The following EXOC4 variants were observed in gnomAD, a reference collection of about 807,000 sequenced individuals.
EXOC4 encodes the protein exocyst complex component 4, also known as SEC8-like 1.
A neutral mutation model predicts 107.2 loss-of-function variants in EXOC4; 71 were observed. The observed-to-expected ratio is 0.66, with a 90% CI of 0.55 to 0.81. EXOC4 has a LOEUF of 0.81. Among genes scored for constraint, EXOC4 ranks in the 30% least tolerant of loss-of-function variants. The pLI is 0.00. For synonymous variants in EXOC4, 456 were observed against 441.2 expected, an observed-to-expected ratio of 1.03 and a Z score of -0.42; for missense variants, 1,108 against 1,189.6, an observed-to-expected ratio of 0.93 and a Z score of 1.01.
chr7:133,995,338 G>C (rs1300303196), intron 14 of EXOC4, among the ~76,000 whole-genome samples: 1 of 152,140 alleles, frequency 6.6e-6, no homozygotes, highest in African/African-American at 2.4e-5. Flanking sequence ...CTCAGATTAG[G>C]AGTGAGACTT....
intron 13 of EXOC4, 63 bp downstream of exon 13, chr7:133,917,801 AT>A: frequency 2.7e-6 from 4 of 1,459,900 alleles, no homozygotes; most frequent in South Asian, 1.4e-5. Context: ...TTTAGCTAAT[AT>A]TTTTTTACAT....
At chr7:133,979,585 A>G (rs2116909946) in intron 14 of EXOC4, among the ~76,000 whole-genome samples, 1 of 152,274 alleles carries the variant, frequency 6.6e-6, no homozygotes, top group South Asian at 2.1e-4. Context: ...CAAGAGATCG[A>G]GATCATCCTG....
intron 9 of EXOC4, among the ~76,000 whole-genome samples, chr7:133,585,768 A>G (rs545746332): frequency 2.0e-5 from 3 of 152,150 alleles, no homozygotes; most frequent in Non-Finnish European, 4.4e-5. Flanking sequence ...ATCTCAGCTC[A>G]CTGTAACCTC....
Position 133,974,348 on chromosome 7 carries a change from A to T in EXOC4, c.2207-23144A>T, listed in dbSNP as rs967550195. On this transcript the variant is annotated intron_variant, in intron 14 of 17. Transcript: ENST00000253861. Reference sequence around the variant, plus strand: ...ATATGTTAAAATGACATTTATTAAAATGAAACTTGACCTGCACATCACACA... The same window carrying T: ...ATATGTTAAAATGACATTTATTAAATTGAAACTTGACCTGCACATCACACA... Among the ~76,000 whole-genome samples the T allele has an allele frequency of 2.0e-5, 3 of 152,350 alleles. No individual in the cohort carries two copies. The South Asian group carries it at 6.2e-4, about 32-fold the overall frequency.
At chr7:133,981,706 C>T (rs1209261330) in intron 14 of EXOC4, among the ~76,000 whole-genome samples, 1 of 151,932 alleles carries the variant, frequency 6.6e-6, no homozygotes, top group Admixed American at 6.5e-5. Flanking sequence ...CCTCAAAGGG[C>T]TAAAAACAGA....
At chr7:133,672,624 T>G (rs1301428490) in intron 10 of EXOC4, among the ~76,000 whole-genome samples, 11 of 152,062 alleles carry the variant, frequency 7.2e-5, no homozygotes, top group African/African-American at 2.7e-4. Flanking sequence ...ATCTGAGGAC[T>G]GAGACCTCCA....
intron 5 of EXOC4, among the ~76,000 whole-genome samples, chr7:133,339,236 T>G (rs988988838): frequency 2.6e-5 from 4 of 151,806 alleles, no homozygotes; most frequent in African/African-American, 9.7e-5. Context: ...TTCCATGGTT[T>G]TGTGTGTGTG....
intron 5 of EXOC4, among the ~76,000 whole-genome samples, chr7:133,348,760 T>A (rs1795842598): frequency 6.6e-6 from 1 of 152,198 alleles, no homozygotes; most frequent in African/African-American, 2.4e-5. Flanking sequence ...GTATCTAGCT[T>A]CTTCATGTGT....
intron 10 of EXOC4, among the ~76,000 whole-genome samples, chr7:133,776,745 A>T (rs10276591): frequency 0.99 from 150,305 of 152,314 alleles, 74,202 homozygotes; most frequent in Middle Eastern, 1. Flanking sequence ...ATAATTTGGA[A>T]GAAGTACAGA....
intron 11 of EXOC4, 54 bp from the exon 12 acceptor site, chr7:133,895,545 T>A: frequency 6.3e-7 from 1 of 1,575,332 alleles, no homozygotes. Flanking sequence ...TCCTTCCTTG[T>A]CCAACACATT....
chr7:133,383,249 G>T (rs770862662), intron 7 of EXOC4, among the ~76,000 whole-genome samples: 2 of 152,040 alleles, frequency 1.3e-5, no homozygotes, highest in Admixed American at 1.3e-4. Flanking sequence ...TCCTCCAGAC[G>T]TTATGATTCT....
At chr7:133,598,106 T>C (rs577973470) in intron 9 of EXOC4, among the ~76,000 whole-genome samples, 2 of 152,268 alleles carry the variant, frequency 1.3e-5, no homozygotes, top group South Asian at 2.1e-4. Context: ...CCAGCTATCA[T>C]GTCAGGAATA....
At chr7:133,863,436 C>T (rs1366181928) in intron 11 of EXOC4, among the ~76,000 whole-genome samples, 2 of 152,056 alleles carry the variant, frequency 1.3e-5, no homozygotes, top group Admixed American at 6.6e-5. Context: ...CAAAAAACAT[C>T]GAGACACAGT....
intron 14 of EXOC4, among the ~76,000 whole-genome samples, chr7:133,950,924 C>T (rs1285175926): frequency 1.3e-5 from 2 of 152,200 alleles, no homozygotes; most frequent in African/African-American, 4.8e-5. Flanking sequence ...CCAATTAACG[C>T]ATTTGTTCAA....
intron 11 of EXOC4, among the ~76,000 whole-genome samples, chr7:133,856,320 A>G (rs1204253636): frequency 6.6e-6 from 1 of 152,242 alleles, no homozygotes; most frequent in Non-Finnish European, 1.5e-5. Context: ...AAGTGGGAAA[A>G]TAATATGTGT....
In EXOC4 at chr7:134,015,642, C is replaced by T. The variant is rs568887675; in HGVS notation, c.2687+7807C>T. Among the ~76,000 whole-genome samples, 6 of 151,956 alleles carry T rather than the reference C, an allele frequency of 3.9e-5. No homozygotes were observed. The East Asian group carries it at 1.2e-3, about 30-fold the overall frequency. ...CTGTAATCCCAGCACTTTGGGAGGC[C>T]GAGGCAGGTGGATCACGAGGTCAGG... On this transcript the variant is annotated intron_variant, in intron 17 of 17. Transcript: ENST00000253861.
At chr7:133,908,768 T>C (rs1002442452) in intron 12 of EXOC4, among the ~76,000 whole-genome samples, 1 of 152,268 alleles carries the variant, frequency 6.6e-6, no homozygotes, top group Admixed American at 6.5e-5. Flanking sequence ...TTTTGTATTA[T>C]TGACTTTTAA....
chr7:133,951,233 C>T (rs959415584), intron 14 of EXOC4, among the ~76,000 whole-genome samples: 2 of 152,210 alleles, frequency 1.3e-5, no homozygotes, highest in African/African-American at 4.8e-5. Flanking sequence ...TGTTACACTC[C>T]TGCCTTAATT....
At chr7:133,634,474 T>A (rs939540194) in intron 10 of EXOC4, among the ~76,000 whole-genome samples, 4 of 152,166 alleles carry the variant, frequency 2.6e-5, no homozygotes, top group African/African-American at 9.7e-5. Flanking sequence ...ATGATAGTTT[T>A]TTTTTTGTTT....
Sources: allele counts gnomAD v4.1 joint callset (sites outside exome capture counted in the v4.1 genomes callset), GRCh38; gene constraint gnomAD v4.1.1; transcripts MANE v1.5; gene names NCBI Gene and HGNC (gene_info 2026-07-23, HGNC 2026-07-21).